Variants in ACOXL observed in about 807,000 individuals in gnomAD.
ACOXL encodes acyl-coenzyme A oxidase-like protein.
A neutral mutation model predicts 71.9 loss-of-function variants in ACOXL; 70 were observed. That is an observed-to-expected ratio of 0.97 (90% confidence interval 0.80 to 1.19). The LOEUF (loss-of-function observed/expected upper bound fraction) is 1.19, where lower values mean the gene tolerates loss of function less well. ACOXL is among the 50% of genes most tolerant of loss of function. ACOXL has a pLI of 0.00. For synonymous variants in ACOXL, 253 were observed against 281.6 expected, an observed-to-expected ratio of 0.90 and a Z score of 1.02; for missense variants, 703 against 736.3, an observed-to-expected ratio of 0.95 and a Z score of 0.52.
At chr2:110,738,022 C>G (rs1219688376) in intron 1 of ACOXL, among the ~76,000 whole-genome samples, 1 of 152,220 alleles carries the variant, frequency 6.6e-6, no homozygotes, top group Non-Finnish European at 1.5e-5. Context: ...GTGACAGTTT[C>G]CAGGCTCAGG....
chr2:110,793,973 C>G (rs544948411), intron 4 of ACOXL, 103 bp from the exon 5 acceptor site: 2 of 1,201,116 alleles, frequency 1.7e-6, no homozygotes, highest in African/African-American at 3.0e-5. Flanking sequence ...TTTCTCCAAC[C>G]CACCTGTCCC....
In ACOXL at chr2:110,832,290, G is replaced by A. The variant is rs539995866; in HGVS notation, c.754-9081G>A. Among the ~76,000 whole-genome samples the A allele has an allele frequency of 1.3e-3, 191 of 152,288 alleles. 3 individuals carry two copies. The highest frequency in any genetic ancestry group is 4.5e-3 in the African/African-American group (186 of 41,570). On this transcript the variant is annotated intron_variant, in intron 9 of 17. Transcript: ENST00000439055. ...GCGGTGGCTCACGCCTGTAATCCCAGCACTTTGGGAGGCCGAGGCGGGTGG... is the reference window on the plus strand; with the variant it reads ...GCGGTGGCTCACGCCTGTAATCCCAACACTTTGGGAGGCCGAGGCGGGTGG...
At chr2:110,866,708 T>C (rs1335137166) in intron 10 of ACOXL, among the ~76,000 whole-genome samples, 2 of 151,956 alleles carry the variant, frequency 1.3e-5, no homozygotes, top group Non-Finnish European at 2.9e-5. Context: ...CACCCCCAGG[T>C]CCCTTTGTCT....
At chr2:111,041,562 G>C (rs2065784678) in intron 15 of ACOXL, among the ~76,000 whole-genome samples, 2 of 152,170 alleles carry the variant, frequency 1.3e-5, no homozygotes, top group Non-Finnish European at 2.9e-5. Flanking sequence ...TGACACTGGG[G>C]AAAAGATGTG....
At chr2:110,859,878 A>C (rs1208979677) in intron 10 of ACOXL, among the ~76,000 whole-genome samples, 1 of 152,138 alleles carries the variant, frequency 6.6e-6, no homozygotes, top group African/African-American at 2.4e-5. Flanking sequence ...CTCACCGAAG[A>C]GGGAAGAGAG....
chr2:110,827,749 A>G, intron 9 of ACOXL, among the ~76,000 whole-genome samples: 1 of 152,082 alleles, frequency 6.6e-6, no homozygotes, highest in South Asian at 2.1e-4. Flanking sequence ...GTGGTTGGGC[A>G]TGGGGTGAGG....
chr2:110,960,495 C>G (rs1558790944), intron 12 of ACOXL, among the ~76,000 whole-genome samples: 1 of 152,082 alleles, frequency 6.6e-6, no homozygotes, highest in Admixed American at 6.5e-5. Flanking sequence ...TTACCCAGAT[C>G]AGCTCCGTTG....
At chr2:111,084,388 C>G (rs1447780936) in intron 16 of ACOXL, among the ~76,000 whole-genome samples, 2 of 151,644 alleles carry the variant, frequency 1.3e-5, no homozygotes, top group Non-Finnish European at 2.9e-5. Flanking sequence ...AGGGCCAAAC[C>G]CCAGCATAAC....
At chr2:110,898,056 A>C (rs2059085276) in intron 10 of ACOXL, among the ~76,000 whole-genome samples, 1 of 152,198 alleles carries the variant, frequency 6.6e-6, no homozygotes, top group Non-Finnish European at 1.5e-5. Flanking sequence ...GTGTAAGATA[A>C]TTTGAATAAC....
chr2:110,950,373 T>G (rs1359703435), intron 12 of ACOXL, among the ~76,000 whole-genome samples: 1 of 152,156 alleles, frequency 6.6e-6, no homozygotes, highest in African/African-American at 2.4e-5. Context: ...AAAGAGAGAT[T>G]GCTAAAATGA....
At chr2:110,813,799 C>A (rs1352418996) in intron 9 of ACOXL, among the ~76,000 whole-genome samples, 4 of 152,182 alleles carry the variant, frequency 2.6e-5, no homozygotes, top group Non-Finnish European at 5.9e-5. Flanking sequence ...TGAGTCCTTC[C>A]TGATCAGGGA....
At chr2:110,923,196 C>T (rs2060141863) in intron 11 of ACOXL, among the ~76,000 whole-genome samples, 1 of 152,182 alleles carries the variant, frequency 6.6e-6, no homozygotes, top group Non-Finnish European at 1.5e-5. Flanking sequence ...TTCTAGTTTG[C>T]TCCTAGTTTA....
intron 12 of ACOXL, among the ~76,000 whole-genome samples, chr2:110,971,703 C>G (rs535313119): frequency 6.6e-6 from 1 of 152,250 alleles, no homozygotes; most frequent in Non-Finnish European, 1.5e-5. Flanking sequence ...TTAGCAATAT[C>G]TATAGGAGAG....
chr2:110,943,149 AGAG>A (rs1454240473), intron 12 of ACOXL, among the ~76,000 whole-genome samples: 7 of 118,800 alleles, frequency 5.9e-5, no homozygotes, highest in Non-Finnish European at 1.4e-4. Context: ...GAAGGAAGAA[AGAG>A]AAAGAAAAAG....
At chr2:110,780,959 G>A (rs1310023092) in intron 2 of ACOXL, among the ~76,000 whole-genome samples, 2 of 152,124 alleles carry the variant, frequency 1.3e-5, no homozygotes, top group African/African-American at 4.8e-5. Flanking sequence ...GAGCCCAGGA[G>A]TTTGAGGCTA....
chr2:110,857,383 G>A (rs1019684605), intron 10 of ACOXL, among the ~76,000 whole-genome samples: 1 of 152,078 alleles, frequency 6.6e-6, no homozygotes, highest in Admixed American at 6.6e-5. Context: ...CATTCCTAAG[G>A]CCATCAAAGG....
At chr2:110,774,953 C>T (rs371702013) in intron 2 of ACOXL, among the ~76,000 whole-genome samples, 2 of 152,312 alleles carry the variant, frequency 1.3e-5, no homozygotes, top group Admixed American at 6.5e-5. Context: ...AACTGTGGAA[C>T]TGGCATAAAG....
intron 15 of ACOXL, among the ~76,000 whole-genome samples, chr2:111,035,756 G>A (rs1359077869): frequency 6.6e-6 from 1 of 152,176 alleles, no homozygotes; most frequent in African/African-American, 2.4e-5. Flanking sequence ...GACTTTCTTT[G>A]TTAATAAAAA....
At chr2:111,044,450 T>C (rs1464579435) in intron 15 of ACOXL, among the ~76,000 whole-genome samples, 1 of 152,194 alleles carries the variant, frequency 6.6e-6, no homozygotes, top group African/African-American at 2.4e-5. Flanking sequence ...CTCTAAAGCT[T>C]AGCCGCAGGG....
Sources: gnomAD v4.1 joint callset for allele counts (sites outside exome capture counted in the v4.1 genomes callset) on GRCh38, gnomAD v4.1.1 for gene constraint, MANE v1.5 for transcripts, NCBI Gene and HGNC (gene_info 2026-07-23, HGNC 2026-07-21) for gene names.